The following MED24 variants were observed in gnomAD, a reference collection of about 807,000 sequenced individuals.
The protein encoded by MED24 is mediator of RNA polymerase II transcription subunit 24.
In MED24, 74 loss-of-function variants were observed where a neutral mutation model predicts 118.8. That is an observed-to-expected ratio of 0.62 (90% CI 0.52 to 0.76). MED24 has a LOEUF of 0.76. Ranked by LOEUF, MED24 falls within the 30% of genes least tolerant of loss-of-function variation. The pLI, the probability that MED24 is intolerant of heterozygous loss-of-function variation, is 0.00. For synonymous variants in MED24, 521 were observed against 523.9 expected (o/e 0.99, Z 0.08); for missense variants, 1,041 against 1,278.9 (o/e 0.81, Z 2.84).
At chr17:40,037,655 T>C (rs1382076859) in intron 3 of MED24, among the ~76,000 whole-genome samples, 2 of 152,156 alleles carry the variant, frequency 1.3e-5, no homozygotes, top group Non-Finnish European at 2.9e-5. Flanking sequence ...CTCACGCCTG[T>C]AATCCCAGCA....
intron 16 of MED24, 152 bp downstream of exon 16, chr17:40,027,231 C>A: frequency 9.1e-7 from 1 of 1,098,590 alleles, no homozygotes. Flanking sequence ...CTGAAGGTGC[C>A]TCTACGGACT....
intron 24 of MED24, 109 bp from the exon 25 acceptor site, chr17:40,020,042 T>A: frequency 1.5e-6 from 2 of 1,375,794 alleles, no homozygotes; most frequent in Non-Finnish European, 2.0e-6. Context: ...ATGCTGAGCA[T>A]GTCCCCAAAA....
At chr17:40,027,287 G>A in intron 16 of MED24, 96 bp downstream of exon 16, 1 of 1,387,050 alleles carries the variant, frequency 7.2e-7, no homozygotes, top group Non-Finnish European at 9.8e-7. Flanking sequence ...AGAACTAACT[G>A]GCTGAGAGGC....
At chr17:40,027,106 G>A in intron 16 of MED24, 72 bp from the exon 17 acceptor site, 2 of 1,541,614 alleles carry the variant, frequency 1.3e-6, no homozygotes, top group Non-Finnish European at 1.8e-6. Flanking sequence ...ACCTGGGGCT[G>A]CACTGTTTCC....
intron 16 of MED24, 86 bp downstream of exon 16, chr17:40,027,297 C>T: frequency 7.0e-7 from 1 of 1,432,558 alleles, no homozygotes; most frequent in Non-Finnish European, 9.5e-7. Flanking sequence ...GGCTGAGAGG[C>T]TGCGGGGGCG....
chr17:40,026,523 A>C (rs1982669233), intron 18 of MED24, 124 bp downstream of exon 18: 4 of 1,146,912 alleles, frequency 3.5e-6, no homozygotes, highest in Non-Finnish European at 5.0e-6. Context: ...GATTACACAA[A>C]ATATCAATAT....
intron 3 of MED24, among the ~76,000 whole-genome samples, chr17:40,040,207 T>C (rs1411142036): frequency 6.6e-6 from 1 of 151,906 alleles, no homozygotes; most frequent in East Asian, 1.9e-4. Flanking sequence ...GCCTCCCGAG[T>C]AGCTGGGACT....
intron 14 of MED24, 156 bp from the exon 15 acceptor site, chr17:40,028,102 T>A: frequency 1.3e-6 from 1 of 741,194 alleles, no homozygotes; most frequent in Non-Finnish European, 2.2e-6. Context: ...GTTTTTGTGG[T>A]TTTTGTTTTT....
chr17:40,029,599 T>G (rs1598344301), intron 13 of MED24, 149 bp downstream of exon 13: 1 of 705,232 alleles, frequency 1.4e-6, no homozygotes, highest in East Asian at 2.8e-5. Flanking sequence ...GTAGCTGCCC[T>G]TGCCTCCCCT....
rs1983820978 is a variant in MED24, at chr17:40,035,407, C to T, written c.327-58G>A. 4 of 1,488,762 alleles carry T rather than the reference C, an allele frequency of 2.7e-6. No individual in the cohort carries two copies. The Admixed American group carries it at 8.8e-5, about 33-fold the overall frequency. 92.2% of individuals were successfully genotyped at this position (1,488,762 alleles called of 1,614,324 possible). On this transcript the variant is annotated intron_variant, in intron 5 of 25. Coordinates refer to ENST00000394128, the MANE Select transcript of MED24 (RefSeq NM_014815.4). ...CTTCCAATGGCTGAAATCCGACCCA[C>T]ATCAATGTTCCCCAGAGTCCCTGGC... is the stretch of plus-strand genomic sequence containing the variant.
At position 40,043,580 on chromosome 17, in the gene MED24, G is replaced by A. The variant is rs535068088; in HGVS notation, c.214-7426C>T. ...TTACTGGACTTTTGTCTTCCTTAAG[G>A]ATTTTTCTGCTTCAAAGATTTAAAT... is the stretch of plus-strand genomic sequence containing the variant. On this transcript the variant is annotated intron_variant, in intron 3 of 25. Coordinates refer to ENST00000394128, the MANE Select transcript of MED24 (RefSeq NM_014815.4). 1.3e-4 allele frequency among the ~76,000 whole-genome samples: 19 copies of A among 151,932 alleles called. 1 individual carries two copies. In the South Asian group the frequency reaches 2.7e-3, roughly 22 times the overall value.
Position 40,026,667 on chromosome 17 carries a change from G to A in MED24, c.1789C>T (p.Leu597=). The A allele has an allele frequency of 7.4e-6, 12 of 1,610,880 alleles. No individual in the cohort carries two copies. Among genetic ancestry groups the A allele is most frequent in the Non-Finnish European group, 8.5e-6 (10 of 1,178,502 alleles). ...EILNAWENGV[L]AFESIQKITD... is the part of the protein sequence containing the mutation. ...GCTACCTGGATGGACTCGAAGGCCA[G>A]GACCCCATTCTCCCAGGCATTGAGG... is the stretch of plus-strand genomic sequence containing the variant. Residue 597 remains leucine (L), a synonymous_variant, in exon 18 of 26, where the codon CTG becomes TTG. Transcript: ENST00000394128.
intron 3 of MED24, among the ~76,000 whole-genome samples, chr17:40,051,431 T>C (rs1478529602): frequency 1.3e-5 from 2 of 150,098 alleles, no homozygotes; most frequent in Admixed American, 1.3e-4. Context: ...CTGGCCAACA[T>C]GGTGAAACCC....
chr17:40,044,832 T>C (rs536716123), intron 3 of MED24, among the ~76,000 whole-genome samples: 3 of 149,590 alleles, frequency 2.0e-5, no homozygotes, highest in African/African-American at 5.0e-5. Context: ...TGAGCCAAGA[T>C]TGCACCACTG....
intron 19 of MED24, among the ~76,000 whole-genome samples, chr17:40,024,756 G>T (rs1029136793): frequency 1.3e-5 from 2 of 152,100 alleles, no homozygotes; most frequent in African/African-American, 4.8e-5. Flanking sequence ...TGTTTTTTGA[G>T]ACAGAGTCTC....
At chr17:40,047,319 C>A (rs532435476) in intron 3 of MED24, among the ~76,000 whole-genome samples, 2 of 152,106 alleles carry the variant, frequency 1.3e-5, no homozygotes, top group Non-Finnish European at 2.9e-5. Context: ...CAGAAATGCT[C>A]TGTATCTTAT....
intron 23 of MED24, among the ~76,000 whole-genome samples, chr17:40,021,635 G>A (rs994425942): frequency 1.3e-5 from 2 of 152,244 alleles, no homozygotes; most frequent in Admixed American, 1.3e-4. Context: ...CTGTGCCTGA[G>A]GCAGTGAACT....
chr17:40,035,032 A>G, intron 6 of MED24, 85 bp downstream of exon 6: 2 of 1,611,660 alleles, frequency 1.2e-6, no homozygotes, highest in Non-Finnish European at 1.7e-6. Flanking sequence ...AAGAGGTGGG[A>G]TGGCATCCTG....
intron 3 of MED24, among the ~76,000 whole-genome samples, chr17:40,038,036 C>CGT (rs1984149153): frequency 6.6e-6 from 1 of 152,112 alleles, no homozygotes; most frequent in Non-Finnish European, 1.5e-5. Context: ...ATGATATACT[C>CGT]GTATACAATG....
Sources: allele counts gnomAD v4.1 joint callset (sites outside exome capture counted in the v4.1 genomes callset), GRCh38; gene constraint gnomAD v4.1.1; transcripts MANE v1.5; gene names NCBI Gene and HGNC (gene_info 2026-07-23, HGNC 2026-07-21).